Variants in MGAT4D observed in about 807,000 individuals in gnomAD.
MGAT4D encodes the protein alpha-1,3-mannosyl-glycoprotein 4-beta-N-acetylglucosaminyltransferase-like protein MGAT4D.
In MGAT4D, 34 loss-of-function variants were observed where a neutral mutation model predicts 15.9. The observed-to-expected ratio is 2.14, with a 90% CI of 1.62 to 2.84. The LOEUF (loss-of-function observed/expected upper bound fraction) is 2.84. Among genes scored for constraint, MGAT4D ranks in the 30% most tolerant of loss-of-function variants. MGAT4D has a pLI of 0.00. For missense variants in MGAT4D, 327 were observed against 140.2 expected, an observed-to-expected ratio of 2.33 and a Z score of -6.73; for synonymous variants, 112 against 48.2, an observed-to-expected ratio of 2.33 and a Z score of -5.49.
At position 140,480,702 on chromosome 4, in the gene MGAT4D, G is replaced by C. The variant is rs4105059; in HGVS notation, c.254-1075C>G. 2.3e-4 allele frequency among the ~76,000 whole-genome samples: 34 copies of C among 150,344 alleles called. 1 individual carries two copies. In the South Asian group the frequency reaches 7.0e-3, roughly 31 times the overall value. On this transcript the variant is annotated intron_variant, in intron 2 of 10. Transcript: ENST00000511113. Reference sequence around the variant, plus strand: ...AAACAGGAGTTTGAGAACAGCATGAGCAATATAGCAAGACCCTCATCTCTA... The same window carrying C: ...AAACAGGAGTTTGAGAACAGCATGACCAATATAGCAAGACCCTCATCTCTA...
intron 10 of MGAT4D, among the ~76,000 whole-genome samples, chr4:140,450,411 C>A (rs1174465549): frequency 6.6e-6 from 1 of 152,172 alleles, no homozygotes; most frequent in South Asian, 2.1e-4. Flanking sequence ...TACAGCTATG[C>A]ATTCTGATGG....
At chr4:140,474,658 G>T (rs1732194502) in intron 4 of MGAT4D, among the ~76,000 whole-genome samples, 155 bp downstream of exon 4, 1 of 152,142 alleles carries the variant, frequency 6.6e-6, no homozygotes, top group African/African-American at 2.4e-5. Flanking sequence ...GAAGTATTAA[G>T]TATGTTGTCT....
At chr4:140,464,759 T>C (rs1305568733) in intron 6 of MGAT4D, 137 bp downstream of exon 6, 4 of 603,268 alleles carry the variant, frequency 6.6e-6, no homozygotes, top group Admixed American at 2.8e-5. Flanking sequence ...GTGATGCACA[T>C]AGTTGGGTCT....
chr4:140,498,251 G>T lies in MGAT4D; in HGVS notation c.-29C>A. On this transcript the variant is annotated 5_prime_UTR_variant, in exon 1 of 11. Coordinates refer to ENST00000511113, the MANE Select transcript of MGAT4D (RefSeq NM_001277353.2). The stretch of plus-strand genomic sequence containing the variant: ...CCTGGCCAGGCTGCGGGAGGCCGGC[G>T]GGTGGAGGCGGCGGATAATGCCAGG... 1.4e-6 allele frequency: 1 copy of T among 701,572 alleles called. No individual in the cohort carries two copies. Among genetic ancestry groups the T allele is most frequent in the Non-Finnish European group, 2.6e-6 (1 of 384,148 alleles). 43.5% of individuals were successfully genotyped at this position (701,572 alleles called of 1,614,324 possible). A position where few individuals can be genotyped will look rare whatever the true frequency, so the allele number is the denominator to read the frequency against.
At chr4:140,490,615 A>G (rs868080906) in intron 1 of MGAT4D, among the ~76,000 whole-genome samples, 1 of 152,168 alleles carries the variant, frequency 6.6e-6, no homozygotes, top group Non-Finnish European at 1.5e-5. Context: ...TAAGAGACAA[A>G]CATTTGAGCC....
At chr4:140,470,628 G>A (rs951476949) in intron 5 of MGAT4D, among the ~76,000 whole-genome samples, 2 of 152,104 alleles carry the variant, frequency 1.3e-5, no homozygotes, top group African/African-American at 4.8e-5. Context: ...AGACTTACAT[G>A]TTCAAAAGTC....
At chr4:140,461,034 AAG>A (rs1237250925) in intron 7 of MGAT4D, among the ~76,000 whole-genome samples, 1 of 152,174 alleles carries the variant, frequency 6.6e-6, no homozygotes, top group African/African-American at 2.4e-5. Flanking sequence ...TATCCTCCAT[AAG>A]AGAGACAGGG....
At chr4:140,456,974 C>A (rs17005945) in intron 8 of MGAT4D, 37,921 of 198,206 alleles carry the variant, frequency 0.19, 3,702 homozygotes, top group South Asian at 0.28. Flanking sequence ...TGTGATAACT[C>A]ATGAGGATTG....
At chr4:140,466,793 G>A (rs1163599104) in intron 5 of MGAT4D, among the ~76,000 whole-genome samples, 3 of 152,006 alleles carry the variant, frequency 2.0e-5, no homozygotes, top group Non-Finnish European at 4.4e-5. Flanking sequence ...AGGATTGCCT[G>A]AGTATATATA....
chr4:140,478,463 C>T (rs1182447442), intron 3 of MGAT4D, among the ~76,000 whole-genome samples: 1 of 152,162 alleles, frequency 6.6e-6, no homozygotes, highest in African/African-American at 2.4e-5. Flanking sequence ...CATGTACTTT[C>T]TCATACATTC....
intron 1 of MGAT4D, among the ~76,000 whole-genome samples, chr4:140,484,282 T>C (rs748492916): frequency 1.3e-5 from 2 of 152,046 alleles, no homozygotes; most frequent in Non-Finnish European, 2.9e-5. Flanking sequence ...GCCAAGTACA[T>C]AAAAAAGTGC....
chr4:140,444,200 C>G (rs1407553751), intron 10 of MGAT4D, among the ~76,000 whole-genome samples: 2 of 151,962 alleles, frequency 1.3e-5, no homozygotes, highest in African/African-American at 4.8e-5. Context: ...AGTAATAATT[C>G]AGTTAAAGTA....
At chr4:140,498,092 G>T (rs1332865824) in intron 1 of MGAT4D, 37 bp downstream of exon 1, 13 of 694,426 alleles carry the variant, frequency 1.9e-5, no homozygotes, top group African/African-American at 3.6e-5. Flanking sequence ...AAGCCCCCGC[G>T]GCGGGAAAGG....
chr4:140,479,182 G>A (rs1366875813), intron 3 of MGAT4D, among the ~76,000 whole-genome samples: 1 of 152,130 alleles, frequency 6.6e-6, no homozygotes, highest in South Asian at 2.1e-4. Context: ...GGTAAGAATA[G>A]ATTTACCAAA....
At chr4:140,483,931 G>T (rs1418388686) in intron 1 of MGAT4D, among the ~76,000 whole-genome samples, 1 of 152,100 alleles carries the variant, frequency 6.6e-6, no homozygotes, top group Non-Finnish European at 1.5e-5. Flanking sequence ...TTAGGAAAAA[G>T]CTTATTGACC....
At chr4:140,443,939 C>T (rs1024422424) in intron 10 of MGAT4D, among the ~76,000 whole-genome samples, 1 of 151,972 alleles carries the variant, frequency 6.6e-6, no homozygotes, top group Non-Finnish European at 1.5e-5. Flanking sequence ...ATGGATACTA[C>T]ATATCATATG....
At chr4:140,494,572 A>T (rs1307072137) in intron 1 of MGAT4D, among the ~76,000 whole-genome samples, 1 of 152,176 alleles carries the variant, frequency 6.6e-6, no homozygotes, top group Non-Finnish European at 1.5e-5. Flanking sequence ...TGCCTATTCA[A>T]CACTTTCACT....
chr4:140,469,154 C>A (rs1285269637), intron 5 of MGAT4D, among the ~76,000 whole-genome samples: 2 of 152,164 alleles, frequency 1.3e-5, no homozygotes, highest in African/African-American at 4.8e-5. Context: ...AGTCTACATT[C>A]ATTCTTTAAA....
intron 9 of MGAT4D, among the ~76,000 whole-genome samples, chr4:140,453,837 C>T (rs1730624630): frequency 6.6e-6 from 1 of 152,136 alleles, no homozygotes; most frequent in Admixed American, 6.6e-5. Flanking sequence ...AATTAAGCCT[C>T]TTTTCTTTAT....
Sources: gnomAD v4.1 joint callset for allele counts (sites outside exome capture counted in the v4.1 genomes callset) on GRCh38, gnomAD v4.1.1 for gene constraint, MANE v1.5 for transcripts, NCBI Gene and HGNC (gene_info 2026-07-23, HGNC 2026-07-21) for gene names.